DGKI: variants seen among roughly 807,000 people sequenced by gnomAD.
DGKI encodes diacylglycerol kinase iota.
In DGKI, 55 loss-of-function variants were observed where a neutral mutation model predicts 147.5. That is an observed-to-expected ratio of 0.37 (90% CI 0.30 to 0.47). DGKI has a LOEUF of 0.47. Among genes scored for constraint, DGKI ranks in the 20% least tolerant of loss-of-function variants. The pLI, the probability that DGKI is intolerant of heterozygous loss-of-function variation, is 1.00. For missense variants in DGKI, 1,007 were observed against 1,323.8 expected (o/e 0.76, Z 3.71); for synonymous variants, 469 against 477.1 (o/e 0.98, Z 0.22).
intron 6 of DGKI, among the ~76,000 whole-genome samples, chr7:137,625,743 TAAAAA>T (rs11302496): frequency 3.1e-5 from 4 of 128,902 alleles, no homozygotes; most frequent in African/African-American, 1.1e-4. Flanking sequence ...ATATTAAAAT[TAAAAA>T]AAAAAAAAAA....
intron 1 of DGKI, among the ~76,000 whole-genome samples, chr7:137,830,305 A>C (rs1207374280): frequency 5.9e-5 from 9 of 152,226 alleles, no homozygotes; most frequent in Admixed American, 5.9e-4. Flanking sequence ...TATGGTATGT[A>C]GGTGTATCCT....
chr7:137,454,464 G>A (rs920659858), intron 27 of DGKI, among the ~76,000 whole-genome samples: 1 of 152,088 alleles, frequency 6.6e-6, no homozygotes. Flanking sequence ...AGGAAGAATG[G>A]GCGACAGTGG....
chr7:137,618,151 ATT>A (rs1156891729), intron 8 of DGKI, among the ~76,000 whole-genome samples: 6 of 10,450 alleles, frequency 5.7e-4, no homozygotes, highest in Admixed American at 3.6e-3. Context: ...ATATATATAT[ATT>A]TTTTTTTTTT....
chr7:137,422,397 T>C (rs564488704), intron 28 of DGKI, among the ~76,000 whole-genome samples: 1 of 152,286 alleles, frequency 6.6e-6, no homozygotes, highest in African/African-American at 2.4e-5. Flanking sequence ...CCTTTGGATG[T>C]AATGGGAAAA....
At chr7:137,493,896 A>C (rs1815864792) in intron 21 of DGKI, 2 of 636,098 alleles carry the variant, frequency 3.1e-6, no homozygotes, top group East Asian at 2.8e-5. Flanking sequence ...GAGATTCAGG[A>C]GAAAGTTAAC....
intron 5 of DGKI, among the ~76,000 whole-genome samples, chr7:137,653,191 C>G (rs1822099014): frequency 6.6e-6 from 1 of 152,228 alleles, no homozygotes. Flanking sequence ...GTCTGGGCTC[C>G]TCTTGTGTCC....
intron 28 of DGKI, among the ~76,000 whole-genome samples, chr7:137,428,685 A>G (rs898056535): frequency 7.9e-5 from 12 of 152,310 alleles, no homozygotes; most frequent in Admixed American, 2.6e-4. Context: ...CCTTAAGCTG[A>G]TAAGCAACTT....
At chr7:137,744,064 T>A (rs1480096861) in intron 1 of DGKI, among the ~76,000 whole-genome samples, 1 of 149,974 alleles carries the variant, frequency 6.7e-6, no homozygotes, top group Admixed American at 6.6e-5. Context: ...CTAAATGATA[T>A]TGAGACCCAA....
At chr7:137,745,820 A>G (rs1486721696) in intron 1 of DGKI, among the ~76,000 whole-genome samples, 1 of 152,236 alleles carries the variant, frequency 6.6e-6, no homozygotes, top group Non-Finnish European at 1.5e-5. Context: ...GATCTACAGT[A>G]AGACCAATTT....
chr7:137,562,542 TAA>T (rs1234053028), intron 19 of DGKI, among the ~76,000 whole-genome samples: 1 of 151,308 alleles, frequency 6.6e-6, no homozygotes, highest in African/African-American at 2.4e-5. Context: ...TATCAAAAAA[TAA>T]AAAAGAGCAT....
At chr7:137,762,268 A>G (rs549314154) in intron 1 of DGKI, among the ~76,000 whole-genome samples, 1 of 152,222 alleles carries the variant, frequency 6.6e-6, no homozygotes, top group Non-Finnish European at 1.5e-5. Flanking sequence ...ACTCTGACAC[A>G]CCTGAAATCA....
chr7:137,841,372 T>G (rs1798540178), intron 1 of DGKI, among the ~76,000 whole-genome samples: 1 of 152,228 alleles, frequency 6.6e-6, no homozygotes, highest in African/African-American at 2.4e-5. Context: ...AATCAGCCCA[T>G]TTTTATAGGC....
chr7:137,410,989 G>C (rs558378972), intron 29 of DGKI, among the ~76,000 whole-genome samples: 1 of 152,376 alleles, frequency 6.6e-6, no homozygotes, highest in Non-Finnish European at 1.5e-5. Context: ...AGTTGATCAA[G>C]ATGTTTGCAA....
chr7:137,391,461 C>G, intron 32 of DGKI, 125 bp from the exon 33 acceptor site: 1 of 646,424 alleles, frequency 1.5e-6, no homozygotes, highest in Non-Finnish European at 2.7e-6. Flanking sequence ...GCAAGGATAC[C>G]TGCTAGTAAG....
chr7:137,800,123 C>T (rs2116957653), intron 1 of DGKI, among the ~76,000 whole-genome samples: 1 of 152,188 alleles, frequency 6.6e-6, no homozygotes, highest in East Asian at 1.9e-4. Context: ...TTCCAATTTC[C>T]CCCCTATAGA....
intron 6 of DGKI, among the ~76,000 whole-genome samples, chr7:137,623,943 T>C (rs897400045): frequency 6.6e-6 from 1 of 151,900 alleles, no homozygotes; most frequent in African/African-American, 2.4e-5. Flanking sequence ...AGAGGGTCTA[T>C]ACAACTTTAG....
At chr7:137,704,061 A>C (rs971778385) in intron 1 of DGKI, among the ~76,000 whole-genome samples, 1 of 152,134 alleles carries the variant, frequency 6.6e-6, no homozygotes, top group Non-Finnish European at 1.5e-5. Context: ...AAGTACAAAA[A>C]TTAGCTGAGT....
intron 6 of DGKI, among the ~76,000 whole-genome samples, chr7:137,635,753 A>C (rs544463653): frequency 2.0e-5 from 3 of 152,196 alleles, no homozygotes; most frequent in Non-Finnish European, 4.4e-5. Flanking sequence ...TTACTCACTA[A>C]ATCTATGATC....
chr7:137,478,718 G>C (rs1182677899), intron 23 of DGKI, among the ~76,000 whole-genome samples: 1 of 152,110 alleles, frequency 6.6e-6, no homozygotes, highest in East Asian at 1.9e-4. Flanking sequence ...TAGGAAGTAA[G>C]AAAAACTAAT....
Sources: gnomAD v4.1 joint callset for allele counts (sites outside exome capture counted in the v4.1 genomes callset) on GRCh38, gnomAD v4.1.1 for gene constraint, MANE v1.5 for transcripts, NCBI Gene and HGNC (gene_info 2026-07-23, HGNC 2026-07-21) for gene names.